DSCAM: variants seen among roughly 807,000 people sequenced by gnomAD.
DSCAM encodes DS cell adhesion molecule, also known as cell adhesion molecule DSCAM.
Under a neutral mutation model 217.7 loss-of-function variants are expected in DSCAM, and 47 were observed. The ratio of observed to expected loss-of-function variants is 0.22; its 90% CI spans 0.17 to 0.28. The LOEUF (loss-of-function observed/expected upper bound fraction) is 0.28. DSCAM is among the 10% of genes least tolerant of loss of function. DSCAM has a pLI of 1.00. For synonymous variants in DSCAM, 1,056 were observed against 1,015.3 expected, an observed-to-expected ratio of 1.04 and a Z score of -0.76; for missense variants, 2,080 against 2,618.3, an observed-to-expected ratio of 0.79 and a Z score of 4.49.
At chr21:40,403,501 A>C (rs1025484020) in intron 3 of DSCAM, among the ~76,000 whole-genome samples, 5 of 152,008 alleles carry the variant, frequency 3.3e-5, no homozygotes, top group African/African-American at 1.2e-4. Flanking sequence ...TTCTTTGGAA[A>C]CCTTAAAATC....
chr21:40,230,671 GT>G, intron 11 of DSCAM, among the ~76,000 whole-genome samples: 1 of 152,208 alleles, frequency 6.6e-6, no homozygotes, highest in South Asian at 2.1e-4. Context: ...TAAAAATATT[GT>G]TCAATTTTTC....
At position 40,443,102 on chromosome 21, in the gene DSCAM, G is replaced by A. The variant is rs547677261; in HGVS notation, c.509-73857C>T. ...TGCTCTCACACCTGTGGATCATATCGTGTTGATAAAAATCTATATTAGTGA... is the reference window on the plus strand; with the variant it reads ...TGCTCTCACACCTGTGGATCATATCATGTTGATAAAAATCTATATTAGTGA... On this transcript the variant is annotated intron_variant, in intron 3 of 32. Transcript: ENST00000400454. Among the ~76,000 whole-genome samples, 13 of 152,266 alleles carry A rather than the reference G, an allele frequency of 8.5e-5. No homozygotes were observed. The South Asian group carries it at 1.7e-3, about 19-fold the overall frequency.
chr21:40,625,982 T>C (rs2089595641), intron 3 of DSCAM, among the ~76,000 whole-genome samples: 1 of 152,206 alleles, frequency 6.6e-6, no homozygotes, highest in Non-Finnish European at 1.5e-5. Context: ...ATTATTTAGG[T>C]GTCTAAATTT....
chr21:40,162,860 T>TA (rs2146763175), intron 16 of DSCAM, among the ~76,000 whole-genome samples: 1 of 152,188 alleles, frequency 6.6e-6, no homozygotes, highest in East Asian at 1.9e-4. Flanking sequence ...CAGAAATATT[T>TA]AAGCAATTGA....
At chr21:40,616,833 C>T (rs932376428) in intron 3 of DSCAM, among the ~76,000 whole-genome samples, 26 of 151,716 alleles carry the variant, frequency 1.7e-4, no homozygotes, top group African/African-American at 4.1e-4. Context: ...CCGGCTAAAA[C>T]GGTGAAACAC....
intron 3 of DSCAM, among the ~76,000 whole-genome samples, chr21:40,477,002 C>T (rs1431021157): frequency 2.0e-5 from 3 of 152,028 alleles, no homozygotes; most frequent in Non-Finnish European, 4.4e-5. Context: ...TATTTTATTG[C>T]ATGAAATTTG....
intron 3 of DSCAM, among the ~76,000 whole-genome samples, chr21:40,548,121 G>T (rs917673955): frequency 2.0e-5 from 3 of 152,182 alleles, no homozygotes; most frequent in African/African-American, 7.2e-5. Context: ...ATTGCTTTAT[G>T]CAGATGAGTT....
At chr21:40,639,700 T>TGTGTGG in intron 3 of DSCAM, among the ~76,000 whole-genome samples, 1 of 152,078 alleles carries the variant, frequency 6.6e-6, no homozygotes, top group East Asian at 1.9e-4. Flanking sequence ...TGTGTGTGTG[T>TGTGTGG]GTGTGTGTGT....
chr21:40,802,430 T>C (rs761610257), intron 1 of DSCAM, among the ~76,000 whole-genome samples: 4 of 152,178 alleles, frequency 2.6e-5, no homozygotes, highest in Non-Finnish European at 4.4e-5. Context: ...TTTGGGGTTA[T>C]GGGGATGGAT....
intron 1 of DSCAM, among the ~76,000 whole-genome samples, chr21:40,717,812 G>T (rs576838768): frequency 6.6e-6 from 1 of 152,148 alleles, no homozygotes; most frequent in East Asian, 1.9e-4. Flanking sequence ...AATTATATTT[G>T]AATAAAGCTA....
intron 9 of DSCAM, among the ~76,000 whole-genome samples, chr21:40,306,400 G>T (rs111936396): frequency 0.014 from 2,085 of 150,006 alleles, 31 homozygotes; most frequent in African/African-American, 0.046. Context: ...AGGGACAATT[G>T]GACTTCCTCT....
chr21:40,727,604 T>C (rs1213703619), intron 1 of DSCAM, among the ~76,000 whole-genome samples: 1 of 152,150 alleles, frequency 6.6e-6, no homozygotes, highest in African/African-American at 2.4e-5. Flanking sequence ...GCATCTGCCT[T>C]GTGCCATCTC....
At chr21:40,648,681 T>C (rs891425884) in intron 3 of DSCAM, among the ~76,000 whole-genome samples, 4 of 152,168 alleles carry the variant, frequency 2.6e-5, no homozygotes, top group Admixed American at 2.0e-4. Context: ...TTAACCTTTT[T>C]TGCACACTCA....
chr21:40,404,053 C>G (rs1213168994), intron 3 of DSCAM, among the ~76,000 whole-genome samples: 1 of 152,000 alleles, frequency 6.6e-6, no homozygotes, highest in East Asian at 1.9e-4. Context: ...ATGAGAAAGC[C>G]CTGAGATGGA....
intron 32 of DSCAM, among the ~76,000 whole-genome samples, chr21:40,039,017 T>G: frequency 1.2e-5 from 1 of 84,284 alleles, no homozygotes; most frequent in African/African-American, 4.8e-5. Context: ...GGGACTGTAG[T>G]GGGGTGGGGG....
intron 3 of DSCAM, among the ~76,000 whole-genome samples, chr21:40,660,110 A>G (rs1196856156): frequency 6.6e-6 from 1 of 152,224 alleles, no homozygotes. Context: ...GGAGGTAGAT[A>G]TGATTATCTC....
intron 11 of DSCAM, among the ~76,000 whole-genome samples, chr21:40,194,452 A>T (rs2146841525): frequency 6.6e-6 from 1 of 152,278 alleles, no homozygotes; most frequent in African/African-American, 2.4e-5. Flanking sequence ...TAACAAATGG[A>T]TGGGGTAATT....
rs531783727 is a variant in DSCAM, at chr21:40,548,513, A to ATATAT, written c.508+144296_508+144297insATATA. 3.1e-3 allele frequency among the ~76,000 whole-genome samples: 469 copies of ATATAT among 150,398 alleles called. 2 individuals are homozygous for ATATAT. The highest frequency in any genetic ancestry group is 4.7e-3 in the Non-Finnish European group (319 of 67,612). ...CTGAAAATAAACCAGTAAAAAAAAA[A>ATATAT]ATATATATATGTACAATATAAAATA... On this transcript the variant is annotated intron_variant, in intron 3 of 32. Transcript: ENST00000400454.
intron 25 of DSCAM, among the ~76,000 whole-genome samples, chr21:40,079,782 C>A (rs1288494986): frequency 6.7e-6 from 1 of 148,216 alleles, no homozygotes; most frequent in Non-Finnish European, 1.5e-5. Context: ...GGCTATGTGG[C>A]AATGTGGAAA....
Sources: gnomAD v4.1 joint callset for allele counts (sites outside exome capture counted in the v4.1 genomes callset) on GRCh38, gnomAD v4.1.1 for gene constraint, MANE v1.5 for transcripts, NCBI Gene and HGNC (gene_info 2026-07-23, HGNC 2026-07-21) for gene names.